The following CD8B2 variants were observed in gnomAD, a reference collection of about 807,000 sequenced individuals.
CD8B2 encodes the protein CD8B family member 2.
In CD8B2, 11 loss-of-function variants were observed where a neutral mutation model predicts 23.7. The ratio of observed to expected loss-of-function variants is 0.46; its 90% CI spans 0.29 to 0.77. CD8B2 has a LOEUF of 0.77. CD8B2 is among the 30% of genes least tolerant of loss of function. The pLI is 0.09. For missense variants in CD8B2, 197 were observed against 270.5 expected (o/e 0.73, Z 1.91); for synonymous variants, 90 against 109.3 (o/e 0.82, Z 1.10).
chr2:106,498,787 C>A (rs1420420367), intron 3 of CD8B2, among the ~76,000 whole-genome samples: 2 of 152,178 alleles, frequency 1.3e-5, no homozygotes, highest in African/African-American at 4.8e-5. Context: ...ATACACCAGG[C>A]ACTCAGAGCT....
At chr2:106,530,615 G>A (rs776755232) in intron 5 of CD8B2, among the ~76,000 whole-genome samples, 1 of 152,068 alleles carries the variant, frequency 6.6e-6, no homozygotes, top group Non-Finnish European at 1.5e-5. Flanking sequence ...TCCTGACCTC[G>A]TGATCCACCC....
intron 2 of CD8B2, among the ~76,000 whole-genome samples, chr2:106,493,937 G>T (rs1436232563): frequency 6.6e-6 from 1 of 152,196 alleles, no homozygotes; most frequent in Non-Finnish European, 1.5e-5. Context: ...GCTCAGCACT[G>T]CTCCCCACAC....
At chr2:106,492,750 G>A (rs1051291107) in intron 2 of CD8B2, among the ~76,000 whole-genome samples, 1 of 152,180 alleles carries the variant, frequency 6.6e-6, no homozygotes, top group African/African-American at 2.4e-5. Flanking sequence ...GGGCAGCTGG[G>A]GACAGCAGCA....
rs572944033 is a variant in CD8B2 at position 106,508,323 on chromosome 2, A to C, written c.*1383A>C. On this transcript the variant is annotated 3_prime_UTR_variant, in exon 6 of 6. Coordinates refer to ENST00000643224, the MANE Select transcript of CD8B2 (RefSeq NM_001349727.2). ...TTCAGTTACCTGTGACAACCACAGA[A>C]TGTAAGAAATGTTACAAAAAAAACA... 4 of 152,092 alleles carry C rather than the reference A, an allele frequency of 2.6e-5. No individual in the cohort carries two copies. In the East Asian group the frequency reaches 7.8e-4, roughly 30 times the overall value. 9.4% of individuals were successfully genotyped at this position (152,092 alleles called of 1,614,324 possible).
In CD8B2 at chr2:106,509,464, G is replaced by C. The variant is rs191956835; in HGVS notation, c.*2524G>C. The C allele has an allele frequency of 5.3e-3, 815 of 152,406 alleles. 2 individuals are homozygous for C. Among genetic ancestry groups the C allele is most frequent in the Non-Finnish European group, 7.3e-3 (498 of 68,080 alleles). 9.4% of individuals were successfully genotyped at this position (152,406 alleles called of 1,614,324 possible). On this transcript the variant is annotated 3_prime_UTR_variant, in exon 6 of 6. Coordinates refer to ENST00000643224, the MANE Select transcript of CD8B2 (RefSeq NM_001349727.2). ...CCAGTGCACAGCGGAAGTAAGAACA[G>C]GCCACAAGGCCCCTTGTCCCACTGC...
Position 106,509,977 on chromosome 2 carries a change from C to T in CD8B2, c.*3037C>T, listed in dbSNP as rs1679592079. The T allele has an allele frequency of 6.6e-6, 1 of 152,142 alleles. No homozygotes were observed. Among genetic ancestry groups the T allele is most frequent in the African/African-American group, 2.4e-5 (1 of 41,434 alleles). 9.4% of individuals were successfully genotyped at this position (152,142 alleles called of 1,614,324 possible). ...GGGACTGGTCAGATAAATTCAGACA[C>T]AGTCTAATAAGGGGGTTTAGGCGGC... On this transcript the variant is annotated 3_prime_UTR_variant, in exon 6 of 6. Transcript: ENST00000643224.
chr2:106,491,842 C>A (rs1343034125), intron 2 of CD8B2, among the ~76,000 whole-genome samples: 1 of 152,204 alleles, frequency 6.6e-6, no homozygotes, highest in African/African-American at 2.4e-5. Flanking sequence ...AGCCACCGTG[C>A]CTGGCCAGGC....
intron 5 of CD8B2, among the ~76,000 whole-genome samples, chr2:106,523,130 C>A (rs1452079014): frequency 1.3e-5 from 2 of 152,132 alleles, no homozygotes; most frequent in African/African-American, 4.8e-5. Flanking sequence ...GTCTGCTGAT[C>A]CTACCAGGGA....
At chr2:106,512,900 G>T (rs56370952), downstream of CD8B2, among the ~76,000 whole-genome samples, 889 of 152,256 alleles carry the variant, frequency 5.8e-3, 8 homozygotes, top group African/African-American at 0.02. Context: ...CTAGGCCTCA[G>T]TTCCCTCCCT....
chr2:106,504,385 T>C (rs113865722), intron 5 of CD8B2, 60 bp downstream of exon 5: 44,641 of 1,553,180 alleles, frequency 0.029, 796 homozygotes, highest in African/African-American at 0.04. Flanking sequence ...GCTTGCAGCC[T>C]CTAACTGCGG....
chr2:106,504,669 C>A (rs1185845743), intron 5 of CD8B2, among the ~76,000 whole-genome samples: 1 of 152,084 alleles, frequency 6.6e-6, no homozygotes, highest in Non-Finnish European at 1.5e-5. Context: ...AAAAACCTGA[C>A]CAATAAGTTA....
chr2:106,532,939 C>T (rs1332142002), intron 5 of CD8B2, among the ~76,000 whole-genome samples: 4 of 152,178 alleles, frequency 2.6e-5, no homozygotes, highest in African/African-American at 4.8e-5. Flanking sequence ...TTTACCCAGA[C>T]CCTATTCAAG....
rs1160464799 is a variant in CD8B2, at chr2:106,487,479, C to T, written c.43+10C>T. The T allele has an allele frequency of 8.9e-6, 11 of 1,242,806 alleles. No individual in the cohort carries two copies. Among genetic ancestry groups the T allele is most frequent in the East Asian group, 6.3e-5 (2 of 31,676 alleles). The allele number at this position is 1,242,806 out of a possible 1,614,324, so 77.0% of individuals were successfully genotyped here. ...GCCGCGCAGCTGACAGGTAAGGCGGCGGCGCGCGGGCTGCCCAAGGTCTGC... is the reference window on the plus strand; with the variant it reads ...GCCGCGCAGCTGACAGGTAAGGCGGTGGCGCGCGGGCTGCCCAAGGTCTGC... On this transcript the variant is annotated intron_variant, in intron 1 of 5. Coordinates refer to ENST00000643224, the MANE Select transcript of CD8B2 (RefSeq NM_001349727.2).
chr2:106,521,910 A>C (rs1229365245), intron 5 of CD8B2: 1 of 152,274 alleles, frequency 6.6e-6, no homozygotes, highest in Non-Finnish European at 1.5e-5. Context: ...CCAACCATGG[A>C]GTGTCTGGGT....
intron 5 of CD8B2, among the ~76,000 whole-genome samples, chr2:106,528,195 A>G (rs765523268): frequency 9.9e-5 from 15 of 152,224 alleles, no homozygotes; most frequent in Non-Finnish European, 1.5e-4. Context: ...ATCTCCTCAG[A>G]TGCTTTGCCC....
chr2:106,506,099 C>T (rs1451072812), intron 5 of CD8B2, among the ~76,000 whole-genome samples: 26 of 151,910 alleles, frequency 1.7e-4, no homozygotes, highest in Admixed American at 1.7e-3. Context: ...CACACCATTC[C>T]GCTGCAGCCT....
At chr2:106,529,001 T>G (rs1373295500) in intron 5 of CD8B2, among the ~76,000 whole-genome samples, 3 of 152,060 alleles carry the variant, frequency 2.0e-5, no homozygotes, top group Non-Finnish European at 2.9e-5. Context: ...AAGGGTAGAG[T>G]GATTTAGGAC....
downstream of CD8B2, among the ~76,000 whole-genome samples, chr2:106,512,806 C>A (rs753893929): frequency 2.0e-5 from 3 of 152,104 alleles, no homozygotes; most frequent in South Asian, 2.1e-4. Flanking sequence ...TGTGCCCAGC[C>A]AGCCCTGTGC....
At chr2:106,530,227 G>C (rs1393654387) in intron 5 of CD8B2, among the ~76,000 whole-genome samples, 1 of 152,204 alleles carries the variant, frequency 6.6e-6, no homozygotes, top group East Asian at 1.9e-4. Flanking sequence ...GATCTTGAGG[G>C]CGCAAACCTT....
Sources: gnomAD v4.1 joint callset for allele counts (sites outside exome capture counted in the v4.1 genomes callset) on GRCh38, gnomAD v4.1.1 for gene constraint, MANE v1.5 for transcripts, NCBI Gene and HGNC (gene_info 2026-07-23, HGNC 2026-07-21) for gene names.